The following CREBBP variants were observed in gnomAD, a reference collection of about 807,000 sequenced individuals.
CREBBP encodes CREB-binding protein.
A neutral mutation model predicts 265.0 loss-of-function variants in CREBBP; 19 were observed. The observed-to-expected ratio is 0.07, with a 90% CI of 0.05 to 0.11. The LOEUF is 0.11. CREBBP is among the 10% of genes least tolerant of loss of function. CREBBP has a pLI of 1.00. For synonymous variants in CREBBP, 1,457 were observed against 1,223.7 expected (o/e 1.19, Z -3.98); for missense variants, 2,525 against 3,219.0 (o/e 0.78, Z 5.22).
In CREBBP at chr16:3,850,851, T is replaced by C. The variant is rs374701416; in HGVS notation, c.244A>G (p.Ile82Val). The C allele has an allele frequency of 3.7e-6, 6 of 1,614,206 alleles. No individual in the cohort carries two copies. The highest frequency in any genetic ancestry group is 4.2e-6 in the Non-Finnish European group (5 of 1,180,040). ...CTCACATTTCCTATTCCTGGGTTGA[T>C]ACTAGAGCCGCTGCCTCCTCGTAGA... Reference protein sequence around the residue: ...ELLRGGSGSSINPGIGNVSAS... With the variant: ...ELLRGGSGSSVNPGIGNVSAS... The change falls in exon 2 of 31, where the codon ATC (isoleucine) becomes GTC (valine). Residue 82 changes from isoleucine (I) to valine (V), a missense_variant. By Grantham distance (29) the Ile-to-Val change is conservative (BLOSUM62 3). Coordinates refer to ENST00000262367, the MANE Select transcript of CREBBP (RefSeq NM_004380.3).
chr16:3,727,885 C>T lies in CREBBP; in HGVS notation c.7162G>A (p.Ala2388Thr), dbSNP rs756011865. Reference protein sequence around the residue: ...PQTGSPHPGLAVTMASSIDQG... With the variant: ...PQTGSPHPGLTVTMASSIDQG... ...TCTATGGAGCTGGCCATGGTGACTG[C>T]GAGTCCGGGGTGGGGGGAACCAGTC... Residue 2388 changes from alanine (A) to threonine (T), a missense_variant, in exon 31 of 31, where the codon GCA becomes ACA. Ala to Thr is a moderately conservative substitution (Grantham distance 58). Around this residue, in one of 19 missense-constraint regions of CREBBP, gnomAD observed 473 missense variants for 459.3 expected, o/e 1.03. Transcript: ENST00000262367. 1.8e-5 allele frequency: 29 copies of T among 1,613,274 alleles called. No individual in the cohort carries two copies. In the Middle Eastern group the frequency reaches 5.0e-4, roughly 28 times the overall value.
intron 1 of CREBBP, among the ~76,000 whole-genome samples, chr16:3,853,957 AACAAAC>A (rs2054907436): frequency 1.4e-5 from 2 of 147,832 alleles, no homozygotes; most frequent in Admixed American, 6.7e-5. Context: ...CAAACAAACA[AACAAAC>A]ACACACACAC....
intron 30 of CREBBP, among the ~76,000 whole-genome samples, 179 bp from the exon 31 acceptor site, chr16:3,730,053 G>C (rs866194371): frequency 6.6e-6 from 1 of 152,134 alleles, no homozygotes; most frequent in African/African-American, 2.4e-5. Context: ...CGGGAGCACG[G>C]ACAAGATGGG....
At chr16:3,879,668 C>A (rs1472465829) in intron 1 of CREBBP, among the ~76,000 whole-genome samples, 164 bp downstream of exon 1, 1 of 152,152 alleles carries the variant, frequency 6.6e-6, no homozygotes, top group Non-Finnish European at 1.5e-5. Context: ...GACAGTCCTG[C>A]GACGAACTTC....
chr16:3,799,914 T>C (rs1050487625), intron 3 of CREBBP, among the ~76,000 whole-genome samples: 1 of 152,182 alleles, frequency 6.6e-6, no homozygotes, highest in Admixed American at 6.5e-5. Context: ...TGACTACTAT[T>C]TTAATACCAA....
At chr16:3,814,329 C>T (rs764034308) in intron 2 of CREBBP, among the ~76,000 whole-genome samples, 18 of 151,254 alleles carry the variant, frequency 1.2e-4, no homozygotes, top group Admixed American at 2.6e-4. Flanking sequence ...ATTTCAGCTC[C>T]CTGCAACCTC....
intron 2 of CREBBP, among the ~76,000 whole-genome samples, chr16:3,845,010 T>C (rs2054636674): frequency 6.6e-6 from 1 of 152,154 alleles, no homozygotes; most frequent in African/African-American, 2.4e-5. Context: ...GTCACATCCC[T>C]CCTAAAATGA....
chr16:3,838,214 C>T (rs553336136), intron 2 of CREBBP, among the ~76,000 whole-genome samples: 4 of 152,270 alleles, frequency 2.6e-5, no homozygotes, highest in African/African-American at 9.6e-5. Context: ...TTTATAAACA[C>T]TTAGCATTGT....
chr16:3,878,609 A>G (rs374252057), intron 1 of CREBBP, among the ~76,000 whole-genome samples: 3 of 152,214 alleles, frequency 2.0e-5, no homozygotes, highest in East Asian at 3.8e-4. Context: ...TTAATATGCT[A>G]GTGGTCGGTC....
intron 2 of CREBBP, among the ~76,000 whole-genome samples, chr16:3,844,706 A>G (rs1224808646): frequency 6.6e-6 from 1 of 152,218 alleles, no homozygotes; most frequent in African/African-American, 2.4e-5. Context: ...AAAACTCAAG[A>G]GAATCTCCTG....
intron 20 of CREBBP, among the ~76,000 whole-genome samples, chr16:3,749,965 A>T (rs1297751416): frequency 1.3e-5 from 2 of 152,110 alleles, no homozygotes; most frequent in African/African-American, 4.8e-5. Flanking sequence ...CAGTGGCGTG[A>T]CCATGGCTCA....
chr16:3,760,927 T>G (rs1161780754), intron 16 of CREBBP, among the ~76,000 whole-genome samples: 2 of 151,750 alleles, frequency 1.3e-5, no homozygotes, highest in African/African-American at 4.8e-5. Context: ...TGTGAGCCAC[T>G]GGGCCTGGTC....
intron 13 of CREBBP, among the ~76,000 whole-genome samples, chr16:3,772,184 AT>A (rs35580213): frequency 0.15 from 21,744 of 149,428 alleles, 3,924 homozygotes; most frequent in African/African-American, 0.42. Context: ...AGAAAAAGGT[AT>A]TTTTTTTTTA....
At chr16:3,802,136 T>A (rs2053728566) in intron 3 of CREBBP, among the ~76,000 whole-genome samples, 1 of 120,346 alleles carries the variant, frequency 8.3e-6, no homozygotes, top group Non-Finnish European at 1.7e-5. Flanking sequence ...TTTTTTTTTT[T>A]TTTTTTTTTT....
At chr16:3,748,536 G>T (rs1378131401) in intron 21 of CREBBP, among the ~76,000 whole-genome samples, 1 of 152,200 alleles carries the variant, frequency 6.6e-6, no homozygotes, top group African/African-American at 2.4e-5. Context: ...TCCAGAGGTG[G>T]CCTGGGTAGA....
At chr16:3,749,128 C>G (rs2052417058) in intron 21 of CREBBP, among the ~76,000 whole-genome samples, 1 of 152,184 alleles carries the variant, frequency 6.6e-6, no homozygotes, top group Non-Finnish European at 1.5e-5. Context: ...GCCTCGGGGA[C>G]AGAGCGAGAC....
At chr16:3,829,891 T>C (rs1037872184) in intron 2 of CREBBP, among the ~76,000 whole-genome samples, 2 of 151,974 alleles carry the variant, frequency 1.3e-5, no homozygotes, top group African/African-American at 2.4e-5. Flanking sequence ...ATGTTGGAAT[T>C]TGCCTCTACA....
chr16:3,752,920 G>C (rs889298807), intron 19 of CREBBP, among the ~76,000 whole-genome samples: 7 of 152,192 alleles, frequency 4.6e-5, no homozygotes, highest in African/African-American at 1.7e-4. Flanking sequence ...GGACATAAAT[G>C]AGAAATCAAC....
At chr16:3,811,222 T>C (rs1442655936) in intron 2 of CREBBP, among the ~76,000 whole-genome samples, 1 of 152,192 alleles carries the variant, frequency 6.6e-6, no homozygotes, top group African/African-American at 2.4e-5. Flanking sequence ...AGTGGAAATA[T>C]TGCAATGAAA....
Sources: gnomAD v4.1 joint callset for allele counts (sites outside exome capture counted in the v4.1 genomes callset) on GRCh38, gnomAD v4.1.1 for gene constraint, gnomAD v4.1.1 regional missense constraint, MANE v1.5 for transcripts, NCBI Gene and HGNC (gene_info 2026-07-23, HGNC 2026-07-21) for gene names.